The following OXSM variants were observed in gnomAD, a reference collection of about 807,000 sequenced individuals.
OXSM encodes the protein 3-oxoacyl-ACP synthase, mitochondrial, also known as 3-oxoacyl-[acyl-carrier-protein] synthase, mitochondrial.
OXSM carries 19 observed loss-of-function variants against 29.2 expected under a neutral mutation model. That is an observed-to-expected ratio of 0.65 (90% CI 0.45 to 0.96). The LOEUF (loss-of-function observed/expected upper bound fraction) is 0.96. Ranked by LOEUF, OXSM falls within the 40% of genes least tolerant of loss-of-function variation. The pLI, the probability that OXSM is intolerant of heterozygous loss-of-function variation, is 0.00. For missense variants in OXSM, 554 were observed against 551.3 expected (o/e 1.00, Z -0.05); for synonymous variants, 178 against 197.1 (o/e 0.90, Z 0.81).
At chr3:25,792,114 T>G (rs1367161570) in intron 2 of OXSM, 117 bp downstream of exon 2, 2 of 807,946 alleles carry the variant, frequency 2.5e-6, no homozygotes, top group Non-Finnish European at 3.9e-6. Flanking sequence ...GTTGTTTTTC[T>G]TTTTTAGACT....
chr3:25,791,694 A>G lies in OXSM; in HGVS notation c.674A>G (p.His225Arg). Residue 225 changes from histidine (H) to arginine (R), a missense_variant, in exon 2 of 3, where the codon CAT (histidine) becomes CGT (arginine). Physicochemically the swap from His to Arg is conservative, Grantham distance 29. Transcript: ENST00000280701. ...AVGDSFRFIA[H>R]GDADVMVAGG... The stretch of plus-strand genomic sequence containing the variant: ...GGAGACTCATTTAGATTTATAGCCC[A>G]TGGTGATGCTGATGTGATGGTGGCT... 1 of 1,614,130 alleles carries G rather than the reference A, an allele frequency of 6.2e-7. No individual in the cohort carries two copies.
rs915252183 is a variant in OXSM, at chr3:25,792,096, G to A, written c.977+99G>A. 8.1e-6 allele frequency: 8 copies of A among 987,854 alleles called. No individual in the cohort carries two copies. In the East Asian group the frequency reaches 1.2e-4, roughly 15 times the overall value. The allele number at this position is 987,854 out of a possible 1,614,324, so 61.2% of individuals were successfully genotyped here. Reference sequence around the variant, plus strand: ...TTGTAGTGTCTGGCCTTGGTGTACAGTATCTCTGTTGTTTTTCTTTTTTAG... The same window carrying A: ...TTGTAGTGTCTGGCCTTGGTGTACAATATCTCTGTTGTTTTTCTTTTTTAG... On this transcript the variant is annotated intron_variant, in intron 2 of 2. Transcript: ENST00000280701.
In OXSM at chr3:25,791,876, G is replaced by C; in HGVS notation, c.856G>C (p.Glu286Gln). 6.2e-7 allele frequency: 1 copy of C among 1,611,828 alleles called. No individual in the cohort carries two copies. Among genetic ancestry groups the C allele is most frequent in the Non-Finnish European group, 8.5e-7 (1 of 1,180,020 alleles). Residue 286 changes from glutamate to glutamine, a missense_variant, in exon 2 of 3, where the codon GAA (glutamate) becomes CAA (glutamine). Transcript: ENST00000280701. ...MGEGAAVLVL[E>Q]EYEHAVQRRA... Reference sequence around the variant, plus strand: ...AGAAGGTGCAGCTGTGCTGGTGCTGGAAGAATATGAACATGCTGTTCAAAG... The same window carrying C: ...AGAAGGTGCAGCTGTGCTGGTGCTGCAAGAATATGAACATGCTGTTCAAAG...
intron 2 of OXSM, among the ~76,000 whole-genome samples, chr3:25,792,939 T>C (rs1028878456): frequency 6.6e-6 from 1 of 152,204 alleles, no homozygotes; most frequent in Non-Finnish European, 1.5e-5. Flanking sequence ...ATTTTTGGCT[T>C]TGTGGGCCAT....
At position 25,791,071 on chromosome 3, in the gene OXSM, A is replaced by G. The variant is rs764913960; in HGVS notation, c.51A>G (p.Leu17=). The G allele has an allele frequency of 2.5e-6, 4 of 1,613,922 alleles. No individual in the cohort carries two copies. Among genetic ancestry groups the G allele is most frequent in the Middle Eastern group, 1.7e-4 (1 of 6,058 alleles). The change falls in exon 2 of 3, where the codon CTA becomes CTG. Residue 17 remains leucine (L), a synonymous_variant. Coordinates refer to ENST00000280701, the MANE Select transcript of OXSM (RefSeq NM_017897.3). ...TGAAAATTACAAGCACTCGTCTTCT[A>G]TGTTCAAGATTATGCCAACAGTTAA... ...NFLKITSTRL[L]CSRLCQQLRS...
chr3:25,793,153 C>CT (rs542423496), intron 2 of OXSM, among the ~76,000 whole-genome samples: 4,799 of 141,638 alleles, frequency 0.034, 77 homozygotes, highest in South Asian at 0.047. Flanking sequence ...TTTTTTCTTT[C>CT]TTTTTTTTTT....
Position 25,794,527 on chromosome 3 carries a change from A to T in OXSM, c.*33A>T. On this transcript the variant is annotated 3_prime_UTR_variant, in exon 3 of 3. Coordinates refer to ENST00000280701, the MANE Select transcript of OXSM (RefSeq NM_017897.3). ...AATTTGTAATTAAATACTGATTTTT[A>T]AATGCTATATGTGAAGAAATTATGC... The T allele has an allele frequency of 6.9e-7, 1 of 1,446,106 alleles. No homozygotes were observed. Among genetic ancestry groups the T allele is most frequent in the Non-Finnish European group, 9.4e-7 (1 of 1,060,524 alleles). 89.6% of individuals were successfully genotyped at this position (1,446,106 alleles called of 1,614,324 possible).
At position 25,791,217 on chromosome 3, in the gene OXSM, T is replaced by G; in HGVS notation, c.197T>G (p.Leu66Arg). The stretch of plus-strand genomic sequence containing the variant: ...GGAACTCACCTGGTTTGGGATCGTC[T>G]TATCGGAGGAGAGAGTGGAATTGTT... Reference protein sequence around the residue: ...GVGTHLVWDRLIGGESGIVSL... With the variant: ...GVGTHLVWDRRIGGESGIVSL... Residue 66 changes from leucine to arginine, a missense_variant, in exon 2 of 3, where the codon CTT becomes CGT. By Grantham distance (102) the Leu-to-Arg change is moderately radical (BLOSUM62 -2). Coordinates refer to ENST00000280701, the MANE Select transcript of OXSM (RefSeq NM_017897.3). The G allele has an allele frequency of 2.5e-6, 4 of 1,614,240 alleles. No homozygotes were observed. The highest frequency in any genetic ancestry group is 3.4e-6 in the Non-Finnish European group (4 of 1,180,028).
At position 25,794,311 on chromosome 3, in the gene OXSM, A is replaced by G; in HGVS notation, c.1197A>G (p.Thr399=). 1 of 1,614,254 alleles carries G rather than the reference A, an allele frequency of 6.2e-7. No homozygotes were observed. Among genetic ancestry groups the G allele is most frequent in the East Asian group, 2.2e-5 (1 of 44,890 alleles). Residue 399 remains threonine (T), a synonymous_variant, in exon 3 of 3, where the codon ACA becomes ACG. Transcript: ENST00000280701. ...GGGCAGTCGAGGCAGCTTTTACCACATTAGCTTGTTATTATCAAAAACTAC... is the reference window on the plus strand; with the variant it reads ...GGGCAGTCGAGGCAGCTTTTACCACGTTAGCTTGTTATTATCAAAAACTAC... The part of the protein sequence containing the change: ...AAGAVEAAFT[T]LACYYQKLPP...
intron 2 of OXSM, among the ~76,000 whole-genome samples, chr3:25,792,461 C>T (rs1048788429): frequency 6.6e-6 from 1 of 152,138 alleles, no homozygotes; most frequent in Admixed American, 6.5e-5. Context: ...AATTCTGATT[C>T]TGTAGGTCTA....
At position 25,791,920 on chromosome 3, in the gene OXSM, A is replaced by G. The variant is rs1248768539; in HGVS notation, c.900A>G (p.Ala300=). ...HAVQRRARIY[A]EVLGYGLSGD... ...TTCAAAGAAGAGCCCGGATCTATGC[A>G]GAAGTTTTGGGCTATGGACTCTCAG... The change falls in exon 2 of 3, where the codon GCA becomes GCG. Residue 300 remains alanine (A), a synonymous_variant. Coordinates refer to ENST00000280701, the MANE Select transcript of OXSM (RefSeq NM_017897.3). The G allele has an allele frequency of 5.6e-6, 9 of 1,603,248 alleles. No individual in the cohort carries two copies. In the Admixed American group the frequency reaches 6.7e-5, roughly 12 times the overall value.
In OXSM at chr3:25,794,429, A is replaced by T; in HGVS notation, c.1315A>T (p.Ile439Phe). 1 of 1,613,960 alleles carries T rather than the reference A, an allele frequency of 6.2e-7. No individual in the cohort carries two copies. The highest frequency in any genetic ancestry group is 8.5e-7 in the Non-Finnish European group (1 of 1,179,782). The change falls in exon 3 of 3, where the codon ATT becomes TTT. Residue 439 changes from isoleucine to phenylalanine, a missense_variant. Coordinates refer to ENST00000280701, the MANE Select transcript of OXSM (RefSeq NM_017897.3). ...GGAATGGAAAACTGAGAAAAGATTT[A>T]TTGGCCTCACCAATTCCTTTGGTTT... ...AQEWKTEKRF[I>F]GLTNSFGFGG...
At position 25,791,911 on chromosome 3, in the gene OXSM, G is replaced by C; in HGVS notation, c.891G>C (p.Arg297=). The C allele has an allele frequency of 6.2e-7, 1 of 1,604,212 alleles. No homozygotes were observed. The highest frequency in any genetic ancestry group is 8.5e-7 in the Non-Finnish European group (1 of 1,179,926). ...AACATGCTGTTCAAAGAAGAGCCCG[G>C]ATCTATGCAGAAGTTTTGGGCTATG... The part of the protein sequence containing the change: ...EYEHAVQRRA[R]IYAEVLGYGL... Residue 297 remains arginine, a synonymous_variant, in exon 2 of 3, where the codon CGG becomes CGC. Coordinates refer to ENST00000280701, the MANE Select transcript of OXSM (RefSeq NM_017897.3).
chr3:25,791,377 C>G lies in OXSM; in HGVS notation c.357C>G (p.Thr119=). The G allele has an allele frequency of 6.2e-7, 1 of 1,614,188 alleles. No individual in the cohort carries two copies. Among genetic ancestry groups the G allele is most frequent in the South Asian group, 1.1e-5 (1 of 91,088 alleles). The change falls in exon 2 of 3, where the codon ACC becomes ACG. Residue 119 remains threonine, a synonymous_variant. Transcript: ENST00000280701. ...ATATCAAGTCCATGTCTTCTCCCAC[C>G]ATCATGGCCATTGGGGCTGCAGAAT... is the stretch of plus-strand genomic sequence containing the variant. ...KSDIKSMSSP[T]IMAIGAAELA... is the part of the protein sequence containing the mutation.
At chr3:25,790,337 T>C (rs1038186705) in intron 1 of OXSM, 190 bp downstream of exon 1, 13 of 191,510 alleles carry the variant, frequency 6.8e-5, no homozygotes, top group African/African-American at 2.6e-4. Context: ...TACACTCTTT[T>C]ACTCCCGCCC....
intron 2 of OXSM, among the ~76,000 whole-genome samples, chr3:25,792,398 T>C (rs1038853842): frequency 2.0e-5 from 3 of 152,358 alleles, no homozygotes; most frequent in African/African-American, 7.2e-5. Flanking sequence ...TCTGTTCTTT[T>C]CAAATCAGCA....
chr3:25,794,378 C>A lies in OXSM; in HGVS notation c.1264C>A (p.Leu422Ile). ...NLDCSEPEFD[L>I]NYVPLKAQEW... ...GGATTGTTCGGAACCAGAATTTGAT[C>A]TCAACTATGTTCCACTAAAGGCACA... Residue 422 changes from leucine (L) to isoleucine (I), a missense_variant, in exon 3 of 3, where the codon CTC (leucine) becomes ATC (isoleucine). Coordinates refer to ENST00000280701, the MANE Select transcript of OXSM (RefSeq NM_017897.3). 6.2e-7 allele frequency: 1 copy of A among 1,614,142 alleles called. No homozygotes were observed. Among genetic ancestry groups the A allele is most frequent in the South Asian group, 1.1e-5 (1 of 91,080 alleles).
chr3:25,790,985 T>C lies in OXSM; in HGVS notation c.-31-5T>C. ...ACCTCCTAGGTGTGTTGTGGTCTTT[T>C]ACAGGAATGTGTTTCTGATCATCTG... On this transcript the variant is annotated splice_polypyrimidine_tract_variant and splice_region_variant and intron_variant, in intron 1 of 2. Transcript: ENST00000280701. 2 of 1,584,240 alleles carry C rather than the reference T, an allele frequency of 1.3e-6. No individual in the cohort carries two copies. Among genetic ancestry groups the C allele is most frequent in the South Asian group, 1.2e-5 (1 of 85,930 alleles).
chr3:25,791,774 C>CG lies in OXSM; in HGVS notation c.757dup (p.Ala253GlyfsTer37), dbSNP rs749083869. 6.2e-7 allele frequency: 1 copy of CG among 1,614,000 alleles called. No individual in the cohort carries two copies. Among genetic ancestry groups the CG allele is most frequent in the Non-Finnish European group, 8.5e-7 (1 of 1,180,022 alleles). ...ATCTCTTGCTGGGTTTTCCAGAGCCCGGGCTCTGAGCACAAACTCAGATCC... is the reference window on the plus strand; with the variant it reads ...ATCTCTTGCTGGGTTTTCCAGAGCCCGGGGCTCTGAGCACAAACTCAGATCC... On this transcript the variant is annotated frameshift_variant, in exon 2 of 3. Coordinates refer to ENST00000280701, the MANE Select transcript of OXSM (RefSeq NM_017897.3). LOFTEE classifies it high-confidence loss of function.
Sources: allele counts gnomAD v4.1 joint callset (sites outside exome capture counted in the v4.1 genomes callset), GRCh38; gene constraint gnomAD v4.1.1; transcripts MANE v1.5; gene names NCBI Gene and HGNC (gene_info 2026-07-23, HGNC 2026-07-21).